Variants in LRRC8C observed in about 807,000 individuals in gnomAD.
LRRC8C encodes the protein leucine rich repeat containing 8 VRAC subunit C.
Under a neutral mutation model 55.3 loss-of-function variants are expected in LRRC8C, and 20 were observed. The ratio of observed to expected loss-of-function variants is 0.36; its 90% confidence interval spans 0.25 to 0.53. LRRC8C has a LOEUF of 0.53. LRRC8C is among the 20% of genes least tolerant of loss of function. LRRC8C has a pLI of 0.92. For missense variants in LRRC8C, 659 were observed against 951.4 expected (o/e 0.69, Z 4.04); for synonymous variants, 376 against 360.7 (o/e 1.04, Z -0.48).
At position 89,714,358 on chromosome 1, in the gene LRRC8C, G is replaced by T. The variant is rs1351557766; in HGVS notation, c.1788G>T (p.Leu596=). The stretch of plus-strand genomic sequence containing the variant: ...TGACCAATCTGACAGAGCTGGAGCT[G>T]GTCCACTGTGACCTGGAGCGTATTC... The part of the protein sequence containing the change: ...KKMTNLTELE[L]VHCDLERIPH... The change falls in exon 3 of 3, where the codon CTG becomes CTT. Residue 596 remains leucine (L), a synonymous_variant. Coordinates refer to ENST00000370454, the MANE Select transcript of LRRC8C (RefSeq NM_032270.5). This position sits in a 1 kb window ranked among gnomAD's most constrained non-coding sequence, Gnocchi z 4.6. 3 of 1,614,150 alleles carry T rather than the reference G, an allele frequency of 1.9e-6. No individual in the cohort carries two copies. The South Asian group carries it at 3.3e-5, about 18-fold the overall frequency.
rs1179585532 is a variant in LRRC8C, at chr1:89,633,176, TGGCCGC to T, written c.-144_-139del. The T allele has an allele frequency of 2.0e-5, 3 of 152,120 alleles. No individual in the cohort carries two copies. The highest frequency in any genetic ancestry group is 4.8e-5 in the African/African-American group (2 of 41,420). The allele number at this position is 152,120 out of a possible 1,614,324, so 9.4% of individuals were successfully genotyped here. A position where few individuals can be genotyped will look rare whatever the true frequency, so the allele number is the denominator to read the frequency against. On this transcript the variant is annotated 5_prime_UTR_variant, in exon 1 of 3. Transcript: ENST00000370454. The stretch of plus-strand genomic sequence containing the variant: ...GAGAAGTAGGAGGAAGGCGCCGCCG[TGGCCGC>T]GGCCGCAGTGCTCGGGCGCGACAAG...
chr1:89,649,762 T>C (rs1656707541), intron 1 of LRRC8C, among the ~76,000 whole-genome samples: 1 of 152,158 alleles, frequency 6.6e-6, no homozygotes, highest in South Asian at 2.1e-4. Flanking sequence ...ATTCTATCTG[T>C]TTTGGTCTAT....
chr1:89,698,527 C>T (rs4593805), intron 2 of LRRC8C, among the ~76,000 whole-genome samples: 48,812 of 151,996 alleles, frequency 0.32, 8,188 homozygotes, highest in East Asian at 0.51. Context: ...TAATGTTCCT[C>T]AGGCATTTCT....
At chr1:89,683,957 C>G (rs1436178753) in intron 1 of LRRC8C, among the ~76,000 whole-genome samples, 1 of 151,894 alleles carries the variant, frequency 6.6e-6, no homozygotes, top group Non-Finnish European at 1.5e-5. Flanking sequence ...TTATATTAAG[C>G]CAGGCATTAA....
At chr1:89,690,498 T>C (rs1481440121) in intron 2 of LRRC8C, among the ~76,000 whole-genome samples, 2 of 152,104 alleles carry the variant, frequency 1.3e-5, no homozygotes, top group Non-Finnish European at 2.9e-5. Flanking sequence ...AGGATCTGCC[T>C]AACAAGCACA....
In LRRC8C at chr1:89,659,057, TTTTTTGTGTGTGTGTGTG is replaced by T. The variant is rs1307017687; in HGVS notation, c.-5+25737_-5+25754del. 5.1e-4 allele frequency among the ~76,000 whole-genome samples: 42 copies of T among 81,660 alleles called. 1 individual carries two copies. The highest frequency in any genetic ancestry group is 9.0e-4 in the Admixed American group (7 of 7,816). The allele number at this position is 81,660 out of a possible 152,430, so 53.6% of individuals were successfully genotyped here. A position where few individuals can be genotyped will look rare whatever the true frequency, so the allele number is the denominator to read the frequency against. Reference sequence around the variant, plus strand: ...GTTGTGTCTTCTCCAGGTTTTTTTTTTTTTTGTGTGTGTGTGTGTGTGTGTGTGTGTGTGTGTGTGTGT... The same window carrying T: ...GTTGTGTCTTCTCCAGGTTTTTTTTTTGTGTGTGTGTGTGTGTGTGTGTGT... On this transcript the variant is annotated intron_variant, in intron 1 of 2. Transcript: ENST00000370454.
chr1:89,713,248 T>G lies in LRRC8C; in HGVS notation c.678T>G (p.Thr226=). 6.2e-7 allele frequency: 1 copy of G among 1,614,190 alleles called. No homozygotes were observed. Among genetic ancestry groups the G allele is most frequent in the Non-Finnish European group, 8.5e-7 (1 of 1,180,032 alleles). The change falls in exon 3 of 3, where the codon ACT becomes ACG. Residue 226 remains threonine (T), a synonymous_variant. Transcript: ENST00000370454. This position sits in a 1 kb window ranked among gnomAD's most constrained non-coding sequence, Gnocchi z 5.2. ...AGAAGTTTGTAGTTGATAAATCCAC[T>G]GCAGGGGCTCTGGATAAAAAGGAAG... The part of the protein sequence containing the change: ...IPEKFVVDKS[T]AGALDKKEGE...
intron 1 of LRRC8C, among the ~76,000 whole-genome samples, chr1:89,660,534 C>T (rs1244765597): frequency 6.6e-6 from 1 of 152,158 alleles, no homozygotes; most frequent in Non-Finnish European, 1.5e-5. Flanking sequence ...TTTTATTTCC[C>T]CCCAGATGTT....
Position 89,693,906 on chromosome 1 carries a change from C to T in LRRC8C, c.138+7295C>T, listed in dbSNP as rs186952767. On this transcript the variant is annotated intron_variant, in intron 2 of 2. Coordinates refer to ENST00000370454, the MANE Select transcript of LRRC8C (RefSeq NM_032270.5). ...TCCTGGCCTAGAGTGATCCACCCAC[C>T]TCAGCCTTCCAAAGTGCTGGGATTA... 1.3e-3 allele frequency among the ~76,000 whole-genome samples: 200 copies of T among 152,170 alleles called. 1 individual carries two copies. The highest frequency in any genetic ancestry group is 4.3e-3 in the African/African-American group (180 of 41,524).
At chr1:89,628,174 C>T (rs1279133928), upstream of LRRC8C, among the ~76,000 whole-genome samples, 3 of 152,284 alleles carry the variant, frequency 2.0e-5, no homozygotes, top group East Asian at 5.8e-4. Flanking sequence ...TTAGAAGAAT[C>T]TGATTCAAAG....
At chr1:89,699,215 T>C (rs559439489) in intron 2 of LRRC8C, among the ~76,000 whole-genome samples, 1 of 152,250 alleles carries the variant, frequency 6.6e-6, no homozygotes, top group Non-Finnish European at 1.5e-5. Context: ...AGTTGTTGCT[T>C]AGAAAGGACA....
At chr1:89,623,470 C>T in the LRRC8C span, among the ~76,000 whole-genome samples, 62 of 152,268 alleles carry the variant, frequency 4.1e-4, no homozygotes, top group African/African-American at 1.4e-3. Flanking sequence ...CGCCTGTAAT[C>T]CCAGCACTTT....
At chr1:89,679,353 A>G (rs1332038261) in intron 1 of LRRC8C, among the ~76,000 whole-genome samples, 1 of 152,162 alleles carries the variant, frequency 6.6e-6, no homozygotes, top group Non-Finnish European at 1.5e-5. Context: ...TAGGAGTTTG[A>G]GACCAGCCTG....
chr1:89,704,587 A>G (rs970786954), intron 2 of LRRC8C, among the ~76,000 whole-genome samples: 2 of 152,292 alleles, frequency 1.3e-5, no homozygotes, highest in East Asian at 3.9e-4. Context: ...ATCAGGGCTC[A>G]TGAAGGAATG....
At chr1:89,618,554 G>A in the LRRC8C span, among the ~76,000 whole-genome samples, 1 of 152,160 alleles carries the variant, frequency 6.6e-6, no homozygotes, top group African/African-American at 2.4e-5. Flanking sequence ...AGACTGGGAA[G>A]GAGACAGTGG....
At chr1:89,630,519 T>C (rs1299222514), upstream of LRRC8C, among the ~76,000 whole-genome samples, 1 of 152,216 alleles carries the variant, frequency 6.6e-6, no homozygotes, top group African/African-American at 2.4e-5. Flanking sequence ...AATTAGAATG[T>C]CAAAATTTAG....
intron 1 of LRRC8C, among the ~76,000 whole-genome samples, chr1:89,642,038 T>C (rs146155620): frequency 8.5e-5 from 13 of 152,344 alleles, no homozygotes; most frequent in African/African-American, 2.9e-4. Context: ...CTTGAAGTTA[T>C]GTTTTTATTG....
intron 2 of LRRC8C, among the ~76,000 whole-genome samples, chr1:89,712,485 A>C (rs1658677514): frequency 6.6e-6 from 1 of 152,082 alleles, no homozygotes. Context: ...GACCTGAAAA[A>C]ACACTGTTTT....
chr1:89,678,935 T>A (rs1657627098), intron 1 of LRRC8C, among the ~76,000 whole-genome samples: 1 of 152,136 alleles, frequency 6.6e-6, no homozygotes, highest in Admixed American at 6.5e-5. Context: ...AAGTTTGATG[T>A]GTCTAGTGGA....
Sources: allele counts gnomAD v4.1 joint callset (sites outside exome capture counted in the v4.1 genomes callset), GRCh38; gene constraint gnomAD v4.1.1; non-coding constraint Gnocchi (gnomAD v3.1); transcripts MANE v1.5; gene names NCBI Gene and HGNC (gene_info 2026-07-23, HGNC 2026-07-21).